ALX4: variants seen among roughly 807,000 people sequenced by gnomAD.
ALX4 encodes ALX homeobox 4.
A neutral mutation model predicts 40.6 loss-of-function variants in ALX4; 22 were observed. That is an observed-to-expected ratio of 0.54 (90% CI 0.39 to 0.77). ALX4 has a LOEUF of 0.77. Among genes scored for constraint, ALX4 ranks in the 30% least tolerant of loss-of-function variants. The pLI is 0.00. For missense variants in ALX4, 556 were observed against 564.8 expected, an observed-to-expected ratio of 0.98 and a Z score of 0.16; for synonymous variants, 266 against 240.5, an observed-to-expected ratio of 1.11 and a Z score of -0.98.
chr11:44,285,656 G>A (rs186575540), intron 1 of ALX4, among the ~76,000 whole-genome samples: 4 of 151,758 alleles, frequency 2.6e-5, no homozygotes, highest in South Asian at 2.1e-4. Context: ...TTGCCAGCAC[G>A]ATGGATGAAA....
Position 44,310,010 on chromosome 11 carries a change from T to A in ALX4, c.53A>T (p.Asp18Val), listed in dbSNP as rs1408623809. 1.2e-6 allele frequency: 2 copies of A among 1,603,764 alleles called. No individual in the cohort carries two copies. Among genetic ancestry groups the A allele is most frequent in the Non-Finnish European group, 1.7e-6 (2 of 1,175,492 alleles). ...CTGCGACACCGGGCTGTAGTAGGCG[T>A]CCATGGCAGCGGCCGGCGACTCGCA... Reference protein sequence around the residue: ...SYCESPAAAMDAYYSPVSQSR... With the variant: ...SYCESPAAAMVAYYSPVSQSR... The change falls in exon 1 of 4, where the codon GAC (aspartate) becomes GTC (valine). Residue 18 changes from aspartate (D) to valine (V), a missense_variant. Transcript: ENST00000652299.
At position 44,305,156 on chromosome 11, in the gene ALX4, CCTAA is replaced by C. The variant is rs550758279; in HGVS notation, c.466+4437_466+4440del. 2.4e-4 allele frequency among the ~76,000 whole-genome samples: 36 copies of C among 152,332 alleles called. No individual in the cohort carries two copies. In the South Asian group the frequency reaches 6.2e-3, roughly 26 times the overall value. Reference sequence around the variant, plus strand: ...TCTGTTTCTTTATCGAGATGGTCGTCCTAACTAACAGTGTACACATACATAACAA... The same window carrying C: ...TCTGTTTCTTTATCGAGATGGTCGTCCTAACAGTGTACACATACATAACAA... On this transcript the variant is annotated intron_variant, in intron 1 of 3. Transcript: ENST00000652299.
At chr11:44,296,763 C>G (rs893575773) in intron 1 of ALX4, among the ~76,000 whole-genome samples, 2 of 152,020 alleles carry the variant, frequency 1.3e-5, no homozygotes, top group African/African-American at 4.8e-5. Flanking sequence ...AATCCCAGCA[C>G]TTTGGGAGGC....
intron 1 of ALX4, among the ~76,000 whole-genome samples, chr11:44,304,372 G>C (rs1200786942): frequency 6.6e-6 from 1 of 152,220 alleles, no homozygotes; most frequent in Non-Finnish European, 1.5e-5. Flanking sequence ...GGCTAAGGAC[G>C]CTGAGGCTCC....
Position 44,302,736 on chromosome 11 carries a change from C to T in ALX4, c.466+6861G>A, listed in dbSNP as rs78448253. 4.6e-3 allele frequency among the ~76,000 whole-genome samples: 695 copies of T among 152,312 alleles called. 5 individuals are homozygous for T. The highest frequency in any genetic ancestry group is 0.016 in the African/African-American group (672 of 41,568). The stretch of plus-strand genomic sequence containing the variant: ...GCATTCCACCATGGCCCTGTAGGAC[C>T]TCTAGCCGGCTTTGTGTCCTGTGAT... On this transcript the variant is annotated intron_variant, in intron 1 of 3. Transcript: ENST00000652299.
Position 44,264,615 on chromosome 11 carries a change from T to C in ALX4, c.*239A>G. 1 of 586,208 alleles carries C rather than the reference T, an allele frequency of 1.7e-6. No homozygotes were observed. The highest frequency in any genetic ancestry group is 3.0e-6 in the Non-Finnish European group (1 of 331,006). The allele number at this position is 586,208 out of a possible 1,614,324, so 36.3% of individuals were successfully genotyped here. ...AACGTGGCCACCTGGCTTTCTCCAC[T>C]GCCTGTGGCCGGGAGCAGGGGTCAG... On this transcript the variant is annotated 3_prime_UTR_variant, in exon 4 of 4. Transcript: ENST00000652299.
In ALX4 at chr11:44,265,151, C is replaced by T. The variant is rs541605039; in HGVS notation, c.939G>A (p.Gly313=). ...CGCAGGCTGGCACTGGTGAGGCAGC[C>T]CCGTTGTTGCCGAGCCAGGACGGGT... is the stretch of plus-strand genomic sequence containing the variant. The part of the protein sequence containing the change: ...IQNPSWLGNN[G]AASPVPACVV... Residue 313 remains glycine (G), a synonymous_variant, in exon 4 of 4, where the codon GGG becomes GGA. Coordinates refer to ENST00000652299, the MANE Select transcript of ALX4 (RefSeq NM_021926.4). The T allele has an allele frequency of 6.8e-5, 110 of 1,605,954 alleles. No homozygotes were observed. The highest frequency in any genetic ancestry group is 1.7e-4 in the Middle Eastern group (1 of 5,990).
chr11:44,292,942 T>A (rs142860766), intron 1 of ALX4, among the ~76,000 whole-genome samples: 6 of 149,894 alleles, frequency 4.0e-5, no homozygotes, highest in East Asian at 2.0e-4. Flanking sequence ...ATAAAAAAAA[T>A]TTTTAAATTA....
At position 44,294,566 on chromosome 11, in the gene ALX4, G is replaced by A. The variant is rs149025419; in HGVS notation, c.466+15031C>T. Among the ~76,000 whole-genome samples the A allele has an allele frequency of 5.5e-3, 841 of 152,260 alleles. 8 individuals carry two copies. The highest frequency in any genetic ancestry group is 0.019 in the African/African-American group (777 of 41,554). ...TTGTCCCTCCTTGAAGCCTGCCCCC[G>A]CTGCGTTAGGTAGAGATGGCAGCCC... On this transcript the variant is annotated intron_variant, in intron 1 of 3. Coordinates refer to ENST00000652299, the MANE Select transcript of ALX4 (RefSeq NM_021926.4).
At chr11:44,295,254 C>G (rs1427607873) in intron 1 of ALX4, among the ~76,000 whole-genome samples, 1 of 152,232 alleles carries the variant, frequency 6.6e-6, no homozygotes, top group Non-Finnish European at 1.5e-5. Flanking sequence ...GCAAAGAGGT[C>G]AACTAATTTG....
chr11:44,289,028 A>T (rs1330971252), intron 1 of ALX4, among the ~76,000 whole-genome samples: 1 of 152,126 alleles, frequency 6.6e-6, no homozygotes, highest in Non-Finnish European at 1.5e-5. Context: ...AGCTTCCCTT[A>T]GGAATCATGG....
At chr11:44,290,762 A>T (rs1212431869) in intron 1 of ALX4, among the ~76,000 whole-genome samples, 1 of 152,212 alleles carries the variant, frequency 6.6e-6, no homozygotes, top group Non-Finnish European at 1.5e-5. Context: ...TGGAAAAGTG[A>T]CTTGACCTTT....
intron 1 of ALX4, 152 bp from the exon 2 acceptor site, chr11:44,275,810 A>G: frequency 1.4e-6 from 1 of 727,610 alleles, no homozygotes. Flanking sequence ...TTGGCTTCTA[A>G]TTCTGGCTTG....
At chr11:44,277,058 A>G (rs1186052144) in intron 1 of ALX4, among the ~76,000 whole-genome samples, 1 of 152,098 alleles carries the variant, frequency 6.6e-6, no homozygotes, top group Non-Finnish European at 1.5e-5. Context: ...TGCTCAGGAG[A>G]GCTTACCTAC....
Position 44,275,521 on chromosome 11 carries a change from A to G in ALX4, c.604T>C (p.Leu202=), listed in dbSNP as rs1240869732. The change falls in exon 2 of 4, where the codon TTG becomes CTG. Residue 202 remains leucine, a synonymous_variant. Coordinates refer to ENST00000652299, the MANE Select transcript of ALX4 (RefSeq NM_021926.4). ...TTGCTCTCTGAGTCGGCCTTCTCCA[A>G]TGGGCTGGGGAGGTCTGAGCTGGCC... ...DRASSDLPSP[L]EKADSESNKG... is the part of the protein sequence containing the mutation. 6.2e-7 allele frequency: 1 copy of G among 1,614,088 alleles called. No individual in the cohort carries two copies. Among genetic ancestry groups the G allele is most frequent in the Non-Finnish European group, 8.5e-7 (1 of 1,180,006 alleles).
At chr11:44,297,795 G>A (rs893981692) in intron 1 of ALX4, among the ~76,000 whole-genome samples, 2 of 152,058 alleles carry the variant, frequency 1.3e-5, no homozygotes, top group African/African-American at 4.8e-5. Context: ...CCACCTCACC[G>A]GCATGCATCA....
At position 44,260,949 on chromosome 11, in the gene ALX4, A is replaced by C. The variant is rs1001739501; in HGVS notation, c.*3905T>G. On this transcript the variant is annotated 3_prime_UTR_variant, in exon 4 of 4. Transcript: ENST00000652299. ...TAGACATTGAAAACTGTCCTTCAAA[A>C]TCAGTAGTATAAAGGCCTAGCTCTA... The C allele has an allele frequency of 6.6e-6, 1 of 152,212 alleles. No homozygotes were observed. Among genetic ancestry groups the C allele is most frequent in the Non-Finnish European group, 1.5e-5 (1 of 68,044 alleles). 9.4% of individuals were successfully genotyped at this position (152,212 alleles called of 1,614,324 possible).
chr11:44,296,873 G>T (rs1161563108), intron 1 of ALX4, among the ~76,000 whole-genome samples: 2 of 152,152 alleles, frequency 1.3e-5, no homozygotes, highest in Non-Finnish European at 2.9e-5. Flanking sequence ...GGCAGGTGTG[G>T]TGGTGGGTGC....
At chr11:44,279,640 G>A (rs148487477) in intron 1 of ALX4, among the ~76,000 whole-genome samples, 3 of 152,208 alleles carry the variant, frequency 2.0e-5, no homozygotes, top group East Asian at 1.9e-4. Context: ...TCCCCATCTC[G>A]GGCCCCTGCC....
Sources: allele counts gnomAD v4.1 joint callset (sites outside exome capture counted in the v4.1 genomes callset), GRCh38; gene constraint gnomAD v4.1.1; transcripts MANE v1.5; gene names NCBI Gene and HGNC (gene_info 2026-07-23, HGNC 2026-07-21).